PATJ: variants seen among roughly 807,000 people sequenced by gnomAD.
The protein encoded by PATJ is PATJ crumbs cell polarity complex component.
Under a neutral mutation model 224.9 loss-of-function variants are expected in PATJ, and 190 were observed. The ratio of observed to expected loss-of-function variants is 0.84; its 90% CI spans 0.75 to 0.95. PATJ has a LOEUF of 0.95. PATJ is among the 40% of genes least tolerant of loss of function. The probability of loss-of-function intolerance (pLI) is 0.00; values close to 1 mark genes in which losing one functional copy is unlikely to be tolerated. For synonymous variants in PATJ, 769 were observed against 820.3 expected, an observed-to-expected ratio of 0.94 and a Z score of 1.07; for missense variants, 2,121 against 2,270.3, an observed-to-expected ratio of 0.93 and a Z score of 1.34.
At chr1:62,013,463 A>C (rs565593643) in intron 28 of PATJ, 2 of 985,330 alleles carry the variant, frequency 2.0e-6, no homozygotes, top group African/African-American at 3.5e-5. Context: ...CAAGCTATGC[A>C]TGAAAAGCTG....
Position 62,153,419 on chromosome 1 carries a change from G to A in PATJ, c.5440G>A (p.Val1814Ile). The change falls in exon 43 of 44, where the codon GTA (valine) becomes ATA (isoleucine). Residue 1814 changes from valine (V) to isoleucine (I), a missense_variant. Transcript: ENST00000642238. The stretch of plus-strand genomic sequence containing the variant: ...CTCTGAAGGCTTGGGGTTTAGTATT[G>A]TAGGGGGTTATGGAAGTCCCCATGG... The part of the protein sequence containing the change: ...KGSEGLGFSI[V>I]GGYGSPHGDL... 1.6e-6 allele frequency: 2 copies of A among 1,231,598 alleles called. No homozygotes were observed. The highest frequency in any genetic ancestry group is 2.0e-6 in the Non-Finnish European group (2 of 987,466). 76.3% of individuals were successfully genotyped at this position (1,231,598 alleles called of 1,614,324 possible). A position where few individuals can be genotyped will look rare whatever the true frequency, so the allele number is the denominator to read the frequency against.
intron 29 of PATJ, among the ~76,000 whole-genome samples, chr1:62,025,921 G>A (rs1647797542): frequency 6.6e-6 from 1 of 152,128 alleles, no homozygotes; most frequent in Admixed American, 6.6e-5. Context: ...CAACTCCCCT[G>A]CCAGCCTGCA....
At chr1:61,875,188 G>A (rs766359402) in intron 20 of PATJ, 55 bp from the exon 21 acceptor site, 2 of 1,199,594 alleles carry the variant, frequency 1.7e-6, no homozygotes, top group Non-Finnish European at 2.4e-6. Flanking sequence ...CAACTGTACA[G>A]TAATACATTT....
chr1:62,090,011 A>T (rs987673669), intron 33 of PATJ, among the ~76,000 whole-genome samples: 8 of 152,138 alleles, frequency 5.3e-5, no homozygotes, highest in Non-Finnish European at 2.9e-5. Context: ...TGCTGTCTTT[A>T]GAGGAGTTAA....
chr1:61,795,439 CT>C (rs1650873865), intron 9 of PATJ, 27 bp from the exon 10 acceptor site: 7 of 1,416,140 alleles, frequency 4.9e-6, no homozygotes, highest in South Asian at 2.7e-5. Context: ...AATTTTCTTC[CT>C]TTTTCCGTAT....
chr1:61,850,647 A>G (rs1662671607), intron 17 of PATJ, among the ~76,000 whole-genome samples: 1 of 152,274 alleles, frequency 6.6e-6, no homozygotes, highest in African/African-American at 2.4e-5. Context: ...TACTTAAGTT[A>G]GAGAAGCAGC....
At chr1:62,029,991 A>C (rs941353192) in intron 29 of PATJ, among the ~76,000 whole-genome samples, 2 of 152,216 alleles carry the variant, frequency 1.3e-5, no homozygotes, top group African/African-American at 4.8e-5. Flanking sequence ...TAGTTTTCAC[A>C]GTTGAGAGGG....
chr1:61,938,236 G>A (rs1174121405), intron 27 of PATJ, among the ~76,000 whole-genome samples: 1 of 152,160 alleles, frequency 6.6e-6, no homozygotes, highest in Non-Finnish European at 1.5e-5. Flanking sequence ...AGTGGATGGG[G>A]GATTCTACTG....
chr1:61,922,795 T>C (rs1674517797), intron 26 of PATJ, among the ~76,000 whole-genome samples: 1 of 152,378 alleles, frequency 6.6e-6, no homozygotes, highest in South Asian at 2.1e-4. Context: ...ATCAAGTGTT[T>C]ATTGGTTACC....
intron 21 of PATJ, among the ~76,000 whole-genome samples, chr1:61,876,274 A>G (rs1557803211): frequency 6.6e-6 from 1 of 152,206 alleles, no homozygotes; most frequent in Non-Finnish European, 1.5e-5. Flanking sequence ...AAGACAGAGT[A>G]TGAATACTTA....
chr1:62,017,798 T>C (rs1163954139), intron 28 of PATJ, 58 bp from the exon 29 acceptor site: 1 of 795,496 alleles, frequency 1.3e-6, no homozygotes, highest in Non-Finnish European at 2.2e-6. Context: ...ATTCCAAGTA[T>C]ATACATATAT....
chr1:62,004,900 G>A (rs1199012820), intron 28 of PATJ, among the ~76,000 whole-genome samples: 1 of 152,148 alleles, frequency 6.6e-6, no homozygotes, highest in Non-Finnish European at 1.5e-5. Context: ...TGAAAATAAT[G>A]TGGTAAATAG....
intron 27 of PATJ, among the ~76,000 whole-genome samples, chr1:61,985,484 T>C (rs778917282): frequency 2.0e-5 from 3 of 152,126 alleles, no homozygotes; most frequent in South Asian, 2.1e-4. Flanking sequence ...TTACCGTCTT[T>C]AATTGTATTG....
intron 1 of PATJ, among the ~76,000 whole-genome samples, chr1:61,748,349 G>C (rs1037064097): frequency 1.5e-5 from 2 of 131,206 alleles, no homozygotes; most frequent in African/African-American, 5.8e-5. Context: ...CTGCCTCCCA[G>C]GTTCAAGCCA....
At chr1:62,118,695 T>A (rs1664723051) in intron 37 of PATJ, among the ~76,000 whole-genome samples, 1 of 152,186 alleles carries the variant, frequency 6.6e-6, no homozygotes, top group Non-Finnish European at 1.5e-5. Flanking sequence ...AATGGCGCGA[T>A]CTCAGCTCAC....
At chr1:62,148,958 C>T (rs1197553324) in intron 42 of PATJ, among the ~76,000 whole-genome samples, 7 of 151,854 alleles carry the variant, frequency 4.6e-5, no homozygotes, top group Non-Finnish European at 8.8e-5. Context: ...GAAACCCTGT[C>T]TCTATTAAAA....
Position 61,959,715 on chromosome 1 carries a change from C to G in PATJ, c.3671-30453C>G, listed in dbSNP as rs1228401316. Among the ~76,000 whole-genome samples, 5 of 152,016 alleles carry G rather than the reference C, an allele frequency of 3.3e-5. No homozygotes were observed. In the East Asian group the frequency reaches 9.6e-4, roughly 29 times the overall value. ...CCTTGATCTCCCAGAGTGCTTGGAGCCATGGTTCCCAGCCTCACCACTGCT... is the reference window on the plus strand; with the variant it reads ...CCTTGATCTCCCAGAGTGCTTGGAGGCATGGTTCCCAGCCTCACCACTGCT... On this transcript the variant is annotated intron_variant, in intron 27 of 43. Coordinates refer to ENST00000642238, the MANE Select transcript of PATJ (RefSeq NM_001350145.3).
chr1:62,057,703 C>T (rs934788555), intron 31 of PATJ, among the ~76,000 whole-genome samples: 24 of 152,228 alleles, frequency 1.6e-4, no homozygotes, highest in East Asian at 1.3e-3. Flanking sequence ...ATTGACGTTT[C>T]TTGCCCCCAG....
intron 31 of PATJ, among the ~76,000 whole-genome samples, chr1:62,060,464 C>A (rs1558110364): frequency 6.6e-6 from 1 of 151,986 alleles, no homozygotes; most frequent in Non-Finnish European, 1.5e-5. Flanking sequence ...AACTCCAGGG[C>A]TCAAGCAATC....
Sources: gnomAD v4.1 joint callset for allele counts (sites outside exome capture counted in the v4.1 genomes callset) on GRCh38, gnomAD v4.1.1 for gene constraint, MANE v1.5 for transcripts, NCBI Gene and HGNC (gene_info 2026-07-23, HGNC 2026-07-21) for gene names.